Variants in GLB1 observed in about 807,000 individuals in gnomAD.
GLB1 encodes the protein beta-galactosidase.
In GLB1, 56 loss-of-function variants were observed where a neutral mutation model predicts 74.0. That is an observed-to-expected ratio of 0.76 (90% confidence interval 0.61 to 0.94). The LOEUF (loss-of-function observed/expected upper bound fraction) is 0.94, where lower values mean the gene tolerates loss of function less well. Among genes scored for constraint, GLB1 ranks in the 40% least tolerant of loss-of-function variants. The pLI is 0.00. For synonymous variants in GLB1, 323 were observed against 323.6 expected, an observed-to-expected ratio of 1.00 and a Z score of 0.02; for missense variants, 787 against 845.5, an observed-to-expected ratio of 0.93 and a Z score of 0.86.
rs1276484558 is a variant in GLB1 at position 33,053,558 on chromosome 3, T to C, written c.734-9A>G. On this transcript the variant is annotated splice_polypyrimidine_tract_variant and intron_variant, in intron 6 of 15. Transcript: ENST00000307363. ...ATCTGTGATGTTGCTGCCTGAAAATTGTAAGAGGGAGAAGGTAGGTCAGTC... is the reference window on the plus strand; with the variant it reads ...ATCTGTGATGTTGCTGCCTGAAAATCGTAAGAGGGAGAAGGTAGGTCAGTC... The C allele has an allele frequency of 1.9e-6, 3 of 1,614,106 alleles. No homozygotes were observed. Among genetic ancestry groups the C allele is most frequent in the Non-Finnish European group, 2.5e-6 (3 of 1,180,004 alleles).
chr3:32,994,035 A>C (rs1043767682), downstream of GLB1, among the ~76,000 whole-genome samples: 2 of 152,228 alleles, frequency 1.3e-5, no homozygotes, highest in African/African-American at 4.8e-5. Flanking sequence ...AAACAGTTCA[A>C]TATAAATTAC....
At chr3:33,040,501 C>T (rs1242886527) in intron 10 of GLB1, among the ~76,000 whole-genome samples, 1 of 151,990 alleles carries the variant, frequency 6.6e-6, no homozygotes, top group Non-Finnish European at 1.5e-5. Context: ...AGTCCCAGCT[C>T]CTCAGGAGGC....
chr3:32,986,586 C>T, the GLB1 span, among the ~76,000 whole-genome samples: 1 of 142,276 alleles, frequency 7.0e-6, no homozygotes, highest in African/African-American at 2.8e-5. Flanking sequence ...TCTACATAGA[C>T]TGTTTCTCTT....
chr3:33,033,862 C>T (rs1698160855), intron 10 of GLB1: 1 of 498,112 alleles, frequency 2.0e-6, no homozygotes. Flanking sequence ...ACGCTGGTAT[C>T]ATGGTGTCAG....
At position 33,082,317 on chromosome 3, in the gene GLB1, A is replaced by C. The variant is rs558519241; in HGVS notation, c.76-9604T>G. 1.1e-4 allele frequency among the ~76,000 whole-genome samples: 16 copies of C among 152,358 alleles called. No individual in the cohort carries two copies. In the East Asian group the frequency reaches 3.1e-3, roughly 29 times the overall value. Reference sequence around the variant, plus strand: ...TGAGTTCAAAGTGGGATGGTTTTACATAATGGCCTGCAGAACCCTCATAAT... The same window carrying C: ...TGAGTTCAAAGTGGGATGGTTTTACCTAATGGCCTGCAGAACCCTCATAAT... On this transcript the variant is annotated intron_variant, in intron 1 of 15. Transcript: ENST00000307363.
intron 12 of GLB1, chr3:33,021,296 A>G (rs1041459874): frequency 4.0e-6 from 2 of 505,486 alleles, no homozygotes; most frequent in Non-Finnish European, 7.2e-6. Context: ...AGTGAACTCA[A>G]TTTATAACTT....
chr3:33,071,654 C>T (rs35291321), intron 2 of GLB1, among the ~76,000 whole-genome samples: 9,059 of 152,076 alleles, frequency 0.06, 388 homozygotes, highest in Non-Finnish European at 0.092. Context: ...GATCGGAAGG[C>T]CTTAGAAGCA....
chr3:32,997,377 C>T, intron 15 of GLB1, 33 bp from the exon 16 acceptor site: 1 of 1,611,096 alleles, frequency 6.2e-7, no homozygotes, highest in Non-Finnish European at 8.5e-7. Flanking sequence ...CCATCAACCC[C>T]AGATGCACCG....
At chr3:33,009,373 T>A (rs1575405462) in intron 15 of GLB1, among the ~76,000 whole-genome samples, 1 of 151,492 alleles carries the variant, frequency 6.6e-6, no homozygotes, top group Non-Finnish European at 1.5e-5. Flanking sequence ...AACACAAAAA[T>A]CAGCCAAGTG....
chr3:33,033,788 A>G, intron 10 of GLB1: 1 of 314,252 alleles, frequency 3.2e-6, no homozygotes, highest in Non-Finnish European at 6.1e-6. Flanking sequence ...CAAAAAAAAA[A>G]AAAAAAAAAG....
chr3:33,081,333 G>T (rs1373060953), intron 1 of GLB1, among the ~76,000 whole-genome samples: 1 of 152,198 alleles, frequency 6.6e-6, no homozygotes, highest in Non-Finnish European at 1.5e-5. Context: ...ATTCTCCCAT[G>T]ACCTATATTC....
chr3:32,991,075 G>T, the GLB1 span, among the ~76,000 whole-genome samples: 1 of 152,158 alleles, frequency 6.6e-6, no homozygotes, highest in African/African-American at 2.4e-5. Context: ...CGTATCAAAA[G>T]ATTTCACCCA....
chr3:33,093,712 G>C lies in GLB1; in HGVS notation c.75+3299C>G, dbSNP rs1266767873. 2 of 1,614,042 alleles carry C rather than the reference G, an allele frequency of 1.2e-6. No individual in the cohort carries two copies. The highest frequency in any genetic ancestry group is 2.7e-5 in the African/African-American group (2 of 74,948). Reference sequence around the variant, plus strand: ...ACTGCCAGGGCAGGCCTGAGCACGAGCTTCCTTGTCTTCTCAAGGCTGCCC... The same window carrying C: ...ACTGCCAGGGCAGGCCTGAGCACGACCTTCCTTGTCTTCTCAAGGCTGCCC... On this transcript the variant is annotated intron_variant, in intron 1 of 15. Coordinates refer to ENST00000307363, the MANE Select transcript of GLB1 (RefSeq NM_000404.4). This position sits in a 1 kb window ranked among gnomAD's most constrained non-coding sequence, Gnocchi z 6.0.
At chr3:33,081,159 C>T (rs1319587262) in intron 1 of GLB1, among the ~76,000 whole-genome samples, 3 of 152,152 alleles carry the variant, frequency 2.0e-5, no homozygotes, top group Non-Finnish European at 4.4e-5. Flanking sequence ...TCAGGTGAGC[C>T]ATCCACTCAG....
In GLB1 at chr3:33,093,739, C is replaced by A. The variant is rs775255667; in HGVS notation, c.75+3272G>T. 1 of 1,613,820 alleles carries A rather than the reference C, an allele frequency of 6.2e-7. No homozygotes were observed. ...TTCCTTGTCTTCTCAAGGCTGCCCA[C>A]GACCCTACCACTGCGCCAGGCCAAG... On this transcript the variant is annotated intron_variant, in intron 1 of 15. Transcript: ENST00000307363. This position sits in a 1 kb window ranked among gnomAD's most constrained non-coding sequence, Gnocchi z 6.0.
chr3:33,021,342 C>G, intron 12 of GLB1: 1 of 587,940 alleles, frequency 1.7e-6, no homozygotes, highest in South Asian at 2.0e-5. Flanking sequence ...GGGCTACCTC[C>G]TGTATGAGTG....
In GLB1 at chr3:32,996,795, C is replaced by T. The variant is rs966353227; in HGVS notation, c.*250G>A. The T allele has an allele frequency of 8.7e-5, 49 of 561,468 alleles. No homozygotes were observed. The highest frequency in any genetic ancestry group is 8.5e-4 in the South Asian group (40 of 47,208). 34.8% of individuals were successfully genotyped at this position (561,468 alleles called of 1,614,324 possible). The stretch of plus-strand genomic sequence containing the variant: ...TCTTCCAAAATAAAAATCACTACCA[C>T]CTTTAAAGCTTCCATTCCAGCCCTG... On this transcript the variant is annotated 3_prime_UTR_variant, in exon 16 of 16. Transcript: ENST00000307363.
In GLB1 at chr3:33,068,246, GAGA is replaced by G. The variant is rs751033858; in HGVS notation, c.438_440del (p.Leu147del). On this transcript the variant is annotated inframe_deletion, in exon 4 of 16. Transcript: ENST00000307363. ...ACAACCTACCTGGGTCGGAGGAGCG[GAGA>G]AGAATAGACTCTTTCTCTAGCAGCC... 20 of 1,613,890 alleles carry G rather than the reference GAGA, an allele frequency of 1.2e-5. No individual in the cohort carries two copies. Among genetic ancestry groups the G allele is most frequent in the East Asian group, 2.2e-5 (1 of 44,886 alleles).
chr3:33,022,888 T>C (rs1268856135), intron 11 of GLB1, among the ~76,000 whole-genome samples: 1 of 152,068 alleles, frequency 6.6e-6, no homozygotes, highest in Non-Finnish European at 1.5e-5. Flanking sequence ...ACACTTCCCA[T>C]GGTTACCTTG....
Sources: gnomAD v4.1 joint callset for allele counts (sites outside exome capture counted in the v4.1 genomes callset) on GRCh38, gnomAD v4.1.1 for gene constraint, Gnocchi (gnomAD v3.1) non-coding constraint, MANE v1.5 for transcripts, NCBI Gene and HGNC (gene_info 2026-07-23, HGNC 2026-07-21) for gene names.